The following NT5C2 variants were observed in gnomAD, a reference collection of about 807,000 sequenced individuals.
NT5C2 encodes the protein 5'-nucleotidase, cytosolic II.
In NT5C2, 58 loss-of-function variants were observed where a neutral mutation model predicts 76.1. That is an observed-to-expected ratio of 0.76 (90% confidence interval 0.62 to 0.95). The LOEUF is 0.95. NT5C2 is among the 40% of genes least tolerant of loss of function. The pLI, the probability that NT5C2 is intolerant of heterozygous loss-of-function variation, is 0.00. For synonymous variants in NT5C2, 229 were observed against 237.4 expected (o/e 0.96, Z 0.32); for missense variants, 478 against 690.3 (o/e 0.69, Z 3.45).
chr10:103,102,045 G>C (rs74956767), intron 6 of NT5C2, among the ~76,000 whole-genome samples: 2 of 152,076 alleles, frequency 1.3e-5, no homozygotes, highest in Non-Finnish European at 2.9e-5. Flanking sequence ...TAATCCCATC[G>C]GGGCTGAGTT....
chr10:103,128,960 G>A (rs1394825636), intron 4 of NT5C2, among the ~76,000 whole-genome samples: 1 of 107,548 alleles, frequency 9.3e-6, no homozygotes, highest in South Asian at 3.5e-4. Flanking sequence ...CAGCCACCCC[G>A]TCCGGGAGGG....
chr10:103,095,606 C>A (rs1056967157), intron 12 of NT5C2, among the ~76,000 whole-genome samples: 1 of 152,180 alleles, frequency 6.6e-6, no homozygotes. Flanking sequence ...CATCCACAAC[C>A]TGAAAATTCC....
At chr10:103,134,878 A>T (rs1397138312) in intron 4 of NT5C2, among the ~76,000 whole-genome samples, 1 of 152,210 alleles carries the variant, frequency 6.6e-6, no homozygotes, top group Non-Finnish European at 1.5e-5. Flanking sequence ...CAGGGTCAAA[A>T]TATATCATTT....
intron 4 of NT5C2, chr10:103,125,310 A>G (rs979018484): frequency 3.7e-6 from 2 of 541,946 alleles, no homozygotes; most frequent in East Asian, 4.0e-5. Flanking sequence ...AAAAAAAAAA[A>G]AGACAATGAC....
rs117072746 is a variant in NT5C2, at chr10:103,137,463, C to A, written c.175+1943G>T. 5.5e-3 allele frequency among the ~76,000 whole-genome samples: 836 copies of A among 152,198 alleles called. 7 individuals carry two copies. Among genetic ancestry groups the A allele is most frequent in the Middle Eastern group, 0.014 (4 of 294 alleles). On this transcript the variant is annotated intron_variant, in intron 4 of 18. Coordinates refer to ENST00000404739, the MANE Select transcript of NT5C2 (RefSeq NM_001351169.2). ...ACTTGTTTGGTAAAAAAATCATGAC[C>A]GTATCTATGTAGCAAGTACTCCCGT...
At chr10:103,161,228 A>T (rs2084795971) in intron 3 of NT5C2, among the ~76,000 whole-genome samples, 1 of 152,154 alleles carries the variant, frequency 6.6e-6, no homozygotes, top group Admixed American at 6.6e-5. Flanking sequence ...TCCAGGCTGG[A>T]GTGCACTGGC....
intron 4 of NT5C2, among the ~76,000 whole-genome samples, chr10:103,128,060 TC>T (rs1365546350): frequency 7.6e-6 from 1 of 131,458 alleles, no homozygotes; most frequent in Non-Finnish European, 1.7e-5. Context: ...CCTCTCCCTC[TC>T]CCTCTCCCTC....
At chr10:103,101,186 G>A (rs1250815571) in intron 7 of NT5C2, 49 bp downstream of exon 7, 2 of 1,407,902 alleles carry the variant, frequency 1.4e-6, no homozygotes, top group Non-Finnish European at 2.0e-6. Flanking sequence ...ACAGACTAAT[G>A]GTCACAGAAG....
At chr10:103,174,815 C>T (rs2089409472) in intron 3 of NT5C2, 43 bp downstream of exon 3, 3 of 1,297,180 alleles carry the variant, frequency 2.3e-6, no homozygotes, top group African/African-American at 2.9e-5. Context: ...TGAAGTCCCA[C>T]TTCATAGAGG....
At chr10:103,174,596 G>GA (rs879335422) in intron 3 of NT5C2, among the ~76,000 whole-genome samples, 18 of 151,378 alleles carry the variant, frequency 1.2e-4, no homozygotes, top group African/African-American at 2.9e-4. Flanking sequence ...AAAAAAGAAA[G>GA]AAAAAAAAAT....
chr10:103,191,700 T>C lies in NT5C2; in HGVS notation c.-169+1536A>G, dbSNP rs574977360. ...ACTGAAAGGAATCTTGCATAACATC[T>C]CCTTCAGAACCCCCCCCACTCCACC... On this transcript the variant is annotated intron_variant, in intron 1 of 18. Coordinates refer to ENST00000404739, the MANE Select transcript of NT5C2 (RefSeq NM_001351169.2). 7.1e-5 allele frequency among the ~76,000 whole-genome samples: 10 copies of C among 140,422 alleles called. No homozygotes were observed. The South Asian group carries it at 2.0e-3, about 28-fold the overall frequency. The allele number at this position is 140,422 out of a possible 152,430, so 92.1% of individuals were successfully genotyped here. A position where few individuals can be genotyped will look rare whatever the true frequency, so the allele number is the denominator to read the frequency against.
chr10:103,135,377 C>A (rs2078982674), intron 4 of NT5C2, among the ~76,000 whole-genome samples: 1 of 152,174 alleles, frequency 6.6e-6, no homozygotes. Flanking sequence ...GGGGAATTTC[C>A]CTGCACAATC....
intron 3 of NT5C2, among the ~76,000 whole-genome samples, chr10:103,158,015 G>A (rs1356564766): frequency 6.6e-6 from 1 of 151,924 alleles, no homozygotes; most frequent in Non-Finnish European, 1.5e-5. Context: ...GGAGGATGCA[G>A]TGAGCCAGGA....
chr10:103,103,498 AT>A (rs1288080460), intron 6 of NT5C2, among the ~76,000 whole-genome samples: 2 of 152,242 alleles, frequency 1.3e-5, no homozygotes, highest in Non-Finnish European at 2.9e-5. Context: ...GATGGTTAAC[AT>A]TTATTAGGCA....
chr10:103,160,033 T>C (rs891085865), intron 3 of NT5C2, among the ~76,000 whole-genome samples: 1 of 152,210 alleles, frequency 6.6e-6, no homozygotes, highest in African/African-American at 2.4e-5. Flanking sequence ...TGTGTGCTAC[T>C]GGCATAAGGA....
chr10:103,112,389 T>C (rs1415266573), intron 4 of NT5C2, among the ~76,000 whole-genome samples: 1 of 152,178 alleles, frequency 6.6e-6, no homozygotes. Context: ...TAACCAGATA[T>C]CTAAATTTGG....
intron 4 of NT5C2, among the ~76,000 whole-genome samples, chr10:103,131,882 AC>A (rs1480359977): frequency 1.3e-5 from 2 of 152,162 alleles, no homozygotes; most frequent in Non-Finnish European, 2.9e-5. Flanking sequence ...TGATTGCACC[AC>A]TGCACTCCAG....
intron 14 of NT5C2, 157 bp downstream of exon 14, chr10:103,093,815 A>G: frequency 3.5e-6 from 2 of 579,190 alleles, no homozygotes; most frequent in East Asian, 2.8e-5. Context: ...TCAAACCCAG[A>G]CTCCTATTGC....
At chr10:103,112,995 G>A (rs2073429987) in intron 4 of NT5C2, among the ~76,000 whole-genome samples, 1 of 151,946 alleles carries the variant, frequency 6.6e-6, no homozygotes. Context: ...ACATTAAATA[G>A]ACACAGGCAA....
Sources: allele counts gnomAD v4.1 joint callset (sites outside exome capture counted in the v4.1 genomes callset), GRCh38; gene constraint gnomAD v4.1.1; transcripts MANE v1.5; gene names NCBI Gene and HGNC (gene_info 2026-07-23, HGNC 2026-07-21).